USH1C: variants seen among roughly 807,000 people sequenced by gnomAD.
USH1C encodes the protein USH1 protein network component harmonin, also known as harmonin.
USH1C carries 90 observed loss-of-function variants against 119.3 expected under a neutral mutation model. That is an observed-to-expected ratio of 0.75 (90% confidence interval 0.64 to 0.90). USH1C has a LOEUF of 0.90. USH1C is among the 40% of genes least tolerant of loss of function. USH1C has a pLI of 0.00. For missense variants in USH1C, 1,165 were observed against 1,167.7 expected (o/e 1.00, Z 0.03); for synonymous variants, 465 against 443.3 (o/e 1.05, Z -0.62).
Position 17,533,104 on chromosome 11 carries a change from G to A in USH1C, c.104+151C>T, listed in dbSNP as rs1851060035. The A allele has an allele frequency of 2.8e-5, 21 of 739,212 alleles. No individual in the cohort carries two copies. The East Asian group carries it at 5.4e-4, about 19-fold the overall frequency. The allele number at this position is 739,212 out of a possible 1,614,324, so 45.8% of individuals were successfully genotyped here. On this transcript the variant is annotated intron_variant, in intron 2 of 26. Coordinates refer to ENST00000005226, the MANE Select transcript of USH1C (RefSeq NM_153676.4). ...GTACAAAGTACTTGTGTAAATAGTTGCTGAAATGAGTGAATGGTATGTCCA... is the reference window on the plus strand; with the variant it reads ...GTACAAAGTACTTGTGTAAATAGTTACTGAAATGAGTGAATGGTATGTCCA...
chr11:17,509,185 C>T (rs758356883), intron 18 of USH1C, among the ~76,000 whole-genome samples, 171 bp downstream of exon 18: 14 of 152,204 alleles, frequency 9.2e-5, no homozygotes, highest in Non-Finnish European at 1.6e-4. Flanking sequence ...TGAGAACCAC[C>T]ATATACATGC....
intron 14 of USH1C, among the ~76,000 whole-genome samples, chr11:17,516,961 C>G (rs565619934): frequency 1.3e-5 from 2 of 152,122 alleles, no homozygotes; most frequent in African/African-American, 4.8e-5. Flanking sequence ...AGTAATACCC[C>G]CAATCTGAAG....
rs199537187 is a variant in USH1C at position 17,523,445 on chromosome 11, C to T, written c.793G>A (p.Asp265Asn). ...TCCTTGTGATCCAGGTTAGAGAAGT[C>T]GACGCCATTGACTTCGACAATCTGG... is the stretch of plus-strand genomic sequence containing the variant. ...GDQIVEVNGV[D>N]FSNLDHKEAV... is the part of the protein sequence containing the mutation. Residue 265 changes from aspartate to asparagine, a missense_variant, in exon 10 of 27, where the codon GAC (aspartate) becomes AAC (asparagine). Physicochemically the swap from Asp to Asn is conservative, Grantham distance 23. Coordinates refer to ENST00000005226, the MANE Select transcript of USH1C (RefSeq NM_153676.4). 38 of 1,614,168 alleles carry T rather than the reference C, an allele frequency of 2.4e-5. No individual in the cohort carries two copies. In the East Asian group the frequency reaches 5.1e-4, roughly 22 times the overall value.
Position 17,509,755 on chromosome 11 carries a change from C to A in USH1C, c.1614G>T (p.Leu538=). The A allele has an allele frequency of 6.2e-7, 1 of 1,600,332 alleles. No homozygotes were observed. Among genetic ancestry groups the A allele is most frequent in the Non-Finnish European group, 8.5e-7 (1 of 1,179,534 alleles). Reference sequence around the variant, plus strand: ...GGATGTCGTCCAGGTCAGTGGTGTGCAGGTGCAGTCCGCCTGCGAAGCGTC... The same window carrying A: ...GGATGTCGTCCAGGTCAGTGGTGTGAAGGTGCAGTCCGCCTGCGAAGCGTC... ...PLRRFAGGLH[L]HTTDLDDIPL... Residue 538 remains leucine, a synonymous_variant, in exon 18 of 27, where the codon CTG becomes CTT. Coordinates refer to ENST00000005226, the MANE Select transcript of USH1C (RefSeq NM_153676.4).
intron 19 of USH1C, 64 bp from the exon 20 acceptor site, chr11:17,504,761 G>A: frequency 6.4e-7 from 1 of 1,571,190 alleles, no homozygotes; most frequent in Non-Finnish European, 8.7e-7. Context: ...GCTGCCCCCT[G>A]GTGCCAGGCT....
chr11:17,510,076 G>T (rs1274722710), intron 17 of USH1C, among the ~76,000 whole-genome samples: 1 of 152,140 alleles, frequency 6.6e-6, no homozygotes, highest in African/African-American at 2.4e-5. Flanking sequence ...ATCTGTGGGT[G>T]GTAAGGTGTT....
At position 17,544,352 on chromosome 11, in the gene USH1C, G is replaced by A; in HGVS notation, c.-45C>T. Reference sequence around the variant, plus strand: ...GCGTCGTTGCACGACCCGTTCCTTCGGGTGCCCGGCTGCCAGGAGCTGGAA... The same window carrying A: ...GCGTCGTTGCACGACCCGTTCCTTCAGGTGCCCGGCTGCCAGGAGCTGGAA... On this transcript the variant is annotated 5_prime_UTR_variant, in exon 1 of 27. Transcript: ENST00000005226. The A allele has an allele frequency of 1.2e-6, 2 of 1,613,436 alleles. No individual in the cohort carries two copies. The highest frequency in any genetic ancestry group is 1.1e-5 in the South Asian group (1 of 91,066).
rs554978056 is a variant in USH1C at position 17,533,374 on chromosome 11, T to C, written c.37-52A>G. On this transcript the variant is annotated intron_variant, in intron 1 of 26. Coordinates refer to ENST00000005226, the MANE Select transcript of USH1C (RefSeq NM_153676.4). ...GCTCCAGGCTCAGCACCCGCCCCCA[T>C]AGCAGACCTCAGGGAGGAGAGGTCA... The C allele has an allele frequency of 1.8e-4, 229 of 1,269,666 alleles. 1 individual carries two copies. Among genetic ancestry groups the C allele is most frequent in the Admixed American group, 6.9e-4 (38 of 55,056 alleles). 78.7% of individuals were successfully genotyped at this position (1,269,666 alleles called of 1,614,324 possible).
intron 15 of USH1C, chr11:17,514,638 G>A (rs997294189): frequency 6.6e-6 from 1 of 152,202 alleles, no homozygotes; most frequent in African/African-American, 2.4e-5. Flanking sequence ...TAGAAAAAAT[G>A]ATGACGGGTT....
intron 23 of USH1C, among the ~76,000 whole-genome samples, chr11:17,499,182 T>C (rs1203171909): frequency 6.6e-6 from 1 of 152,214 alleles, no homozygotes; most frequent in Non-Finnish European, 1.5e-5. Context: ...TTGGAGGAAT[T>C]TCTCCCAGTC....
chr11:17,526,281 G>A lies in USH1C; in HGVS notation c.674+66C>T, dbSNP rs549792787. ...CCTCGGAAGTGGCAGTGAGGAAGGG[G>A]AGGGCAATAGGGGCCTGCTGGGGTG... is the stretch of plus-strand genomic sequence containing the variant. On this transcript the variant is annotated intron_variant, in intron 8 of 26. Transcript: ENST00000005226. 108 of 1,353,634 alleles carry A rather than the reference G, an allele frequency of 8.0e-5. 1 individual carries two copies. In the Middle Eastern group the frequency reaches 3.5e-3, roughly 44 times the overall value. 83.9% of individuals were successfully genotyped at this position (1,353,634 alleles called of 1,614,324 possible).
chr11:17,544,203 G>A (rs1851600953), intron 1 of USH1C, 69 bp downstream of exon 1: 1 of 1,601,806 alleles, frequency 6.2e-7, no homozygotes, highest in Non-Finnish European at 8.5e-7. Context: ...GTGCCGGGGT[G>A]TCCACCCCCT....
chr11:17,499,971 C>T (rs1267197448), intron 23 of USH1C, among the ~76,000 whole-genome samples: 1 of 152,164 alleles, frequency 6.6e-6, no homozygotes, highest in Non-Finnish European at 1.5e-5. Flanking sequence ...CCTGGGGCTC[C>T]TCCTCCAAGG....
intron 1 of USH1C, among the ~76,000 whole-genome samples, chr11:17,538,290 G>T (rs912707763): frequency 8.5e-5 from 13 of 152,188 alleles, no homozygotes; most frequent in African/African-American, 3.1e-4. Context: ...GGGACAGGGA[G>T]CATCTCCACC....
intron 9 of USH1C, 71 bp downstream of exon 9, chr11:17,524,379 CT>C: frequency 1.3e-6 from 2 of 1,503,316 alleles, no homozygotes; most frequent in Non-Finnish European, 1.8e-6. Context: ...GCACCTGCCC[CT>C]GTCACCGCGG....
chr11:17,532,047 T>C (rs945572868), intron 2 of USH1C, among the ~76,000 whole-genome samples: 5 of 152,190 alleles, frequency 3.3e-5, no homozygotes, highest in East Asian at 1.9e-4. Flanking sequence ...TTAAAACCCT[T>C]TGATGGCCCC....
In USH1C at chr11:17,531,559, A is replaced by T. The variant is rs768574824; in HGVS notation, c.105-17T>A. 6.2e-7 allele frequency: 1 copy of T among 1,611,666 alleles called. No individual in the cohort carries two copies. The highest frequency in any genetic ancestry group is 1.1e-5 in the South Asian group (1 of 90,912). ...TCCATGGTCCTGTGGAGATGCCGGG[A>T]ATGCCTGGAGCCTCACCCCTGGCCA... On this transcript the variant is annotated splice_polypyrimidine_tract_variant and intron_variant, in intron 2 of 26. Transcript: ENST00000005226. The surrounding 1 kb of genome is among the most constrained non-coding windows in gnomAD (Gnocchi z 4.2).
At chr11:17,498,307 G>T in intron 23 of USH1C, 36 bp from the exon 24 acceptor site, 1 of 1,593,896 alleles carries the variant, frequency 6.3e-7, no homozygotes, top group Non-Finnish European at 8.6e-7. Flanking sequence ...CAACTGGGCT[G>T]TATGTGACAC....
chr11:17,526,785 G>A lies in USH1C; in HGVS notation c.547C>T (p.Gln183Ter). The A allele has an allele frequency of 6.2e-7, 1 of 1,614,154 alleles. No homozygotes were observed. Among genetic ancestry groups the A allele is most frequent in the Non-Finnish European group, 8.5e-7 (1 of 1,180,016 alleles). Residue 183 changes from glutamine (Q) to a stop codon, truncating the protein, a stop_gained, in exon 7 of 27, where the codon CAG becomes TAG. Coordinates refer to ENST00000005226, the MANE Select transcript of USH1C (RefSeq NM_153676.4). LOFTEE classifies it high-confidence loss of function. ...KSSPDEPLTW[Q>*]YVDQFVSESG... The stretch of plus-strand genomic sequence containing the variant: ...TCCGACACAAACTGATCCACATACT[G>A]CCAAGTGAGGGGCTCATCAGGAGAG...
Sources: allele counts gnomAD v4.1 joint callset (sites outside exome capture counted in the v4.1 genomes callset), GRCh38; gene constraint gnomAD v4.1.1; non-coding constraint Gnocchi (gnomAD v3.1); transcripts MANE v1.5; gene names NCBI Gene and HGNC (gene_info 2026-07-23, HGNC 2026-07-21).